Variants in ATP5PO observed in about 807,000 individuals in gnomAD.
ATP5PO encodes the protein ATP synthase peripheral stalk subunit OSCP, mitochondrial.
Under a neutral mutation model 26.2 loss-of-function variants are expected in ATP5PO, and 14 were observed. The ratio of observed to expected loss-of-function variants is 0.53; its 90% CI spans 0.35 to 0.83. The LOEUF is 0.83. Ranked by LOEUF, ATP5PO falls within the 40% of genes least tolerant of loss-of-function variation. The probability of loss-of-function intolerance (pLI) is 0.01; values close to 1 mark genes in which losing one functional copy is unlikely to be tolerated. For missense variants in ATP5PO, 241 were observed against 258.5 expected, an observed-to-expected ratio of 0.93 and a Z score of 0.46; for synonymous variants, 106 against 95.1, an observed-to-expected ratio of 1.12 and a Z score of -0.67.
chr21:33,912,896 TCA>T (rs1302652497), intron 2 of ATP5PO, among the ~76,000 whole-genome samples: 1 of 152,252 alleles, frequency 6.6e-6, no homozygotes, highest in Non-Finnish European at 1.5e-5. Flanking sequence ...CTATCGATGT[TCA>T]GTGTAACAGA....
intron 1 of ATP5PO, 171 bp from the exon 2 acceptor site, chr21:33,914,671 T>TA (rs906984717): frequency 3.5e-5 from 20 of 565,842 alleles, no homozygotes; most frequent in Middle Eastern, 8.7e-4. Context: ...GGGGTAAACT[T>TA]ACCCAATGAG....
chr21:33,907,155 T>C (rs1987183889), intron 5 of ATP5PO, 186 bp downstream of exon 5: 2 of 577,540 alleles, frequency 3.5e-6, no homozygotes, highest in Admixed American at 6.0e-5. Flanking sequence ...GAAGCACTAA[T>C]AAGATACACG....
rs1173591781 is a variant in ATP5PO at position 33,907,126 on chromosome 21, T to C, written c.441+215A>G. ...TACTTTACATTTAACCCAGGCCTTA[T>C]GAATAATCACTGGTTACAGAAGCAC... On this transcript the variant is annotated intron_variant, in intron 5 of 6. Coordinates refer to ENST00000290299, the MANE Select transcript of ATP5PO (RefSeq NM_001697.3). 3 of 543,114 alleles carry C rather than the reference T, an allele frequency of 5.5e-6. No individual in the cohort carries two copies. In the East Asian group the frequency reaches 9.2e-5, roughly 17 times the overall value. 33.6% of individuals were successfully genotyped at this position (543,114 alleles called of 1,614,324 possible).
At chr21:33,909,679 C>T (rs1987223676) in intron 3 of ATP5PO, among the ~76,000 whole-genome samples, 1 of 152,190 alleles carries the variant, frequency 6.6e-6, no homozygotes, top group African/African-American at 2.4e-5. Flanking sequence ...TCAGAATACA[C>T]TGTGCACTGC....
At chr21:33,906,919 A>C (rs900945404) in intron 5 of ATP5PO, 30 of 381,814 alleles carry the variant, frequency 7.9e-5, no homozygotes, top group South Asian at 5.4e-4. Context: ...TGAGCCCAGG[A>C]GGTTGAGGCT....
At chr21:33,915,624 CCA>C in intron 1 of ATP5PO, 102 bp downstream of exon 1, 1 of 1,482,550 alleles carries the variant, frequency 6.7e-7, no homozygotes, top group South Asian at 1.2e-5. Flanking sequence ...TTGAAGACTG[CCA>C]GACTTCCCCA....
intron 5 of ATP5PO, chr21:33,906,436 A>G: frequency 6.1e-6 from 2 of 328,780 alleles, no homozygotes; most frequent in South Asian, 4.7e-5. Flanking sequence ...CTGTGTTCAA[A>G]TTCTAGTCCC....
intron 4 of ATP5PO, 80 bp from the exon 5 acceptor site, chr21:33,907,533 A>G (rs999314150): frequency 8.8e-6 from 11 of 1,247,360 alleles, no homozygotes; most frequent in African/African-American, 6.0e-5. Flanking sequence ...AACCCAAAAA[A>G]CAAACTTAGA....
intron 5 of ATP5PO, 34 bp from the exon 6 acceptor site, chr21:33,904,055 A>C (rs1484467217): frequency 6.4e-7 from 1 of 1,559,668 alleles, no homozygotes; most frequent in African/African-American, 1.4e-5. Context: ...AATTTAGATA[A>C]AGCAAAACAG....
Position 33,915,797 on chromosome 21 carries a change from G to A in ATP5PO, c.-34C>T, listed in dbSNP as rs1277741629. On this transcript the variant is annotated 5_prime_UTR_variant, in exon 1 of 7. Coordinates refer to ENST00000290299, the MANE Select transcript of ATP5PO (RefSeq NM_001697.3). ...GGGCGGCTGTAGGTCAAACCCGAGT[G>A]GGAAGAGAGAAACGCGCAAGGGCGC... 5.1e-6 allele frequency: 8 copies of A among 1,555,270 alleles called. No individual in the cohort carries two copies. Among genetic ancestry groups the A allele is most frequent in the South Asian group, 1.2e-5 (1 of 84,394 alleles).
chr21:33,913,784 A>AT (rs1011347536), intron 2 of ATP5PO, among the ~76,000 whole-genome samples: 46 of 146,474 alleles, frequency 3.1e-4, no homozygotes, highest in South Asian at 1.3e-3. Context: ...GTACCTTGAT[A>AT]TTTTTTTTTT....
chr21:33,909,743 G>A (rs1602773016), intron 3 of ATP5PO, among the ~76,000 whole-genome samples: 1 of 152,160 alleles, frequency 6.6e-6, no homozygotes, highest in Admixed American at 6.5e-5. Context: ...AATACTGTAC[G>A]AACTTTCTTA....
At position 33,907,564 on chromosome 21, in the gene ATP5PO, T is replaced by C. The variant is rs1218517283; in HGVS notation, c.329-111A>G. On this transcript the variant is annotated intron_variant, in intron 4 of 6. Coordinates refer to ENST00000290299, the MANE Select transcript of ATP5PO (RefSeq NM_001697.3). ...TTAGATTTGTGGCCTTAAAACACCA[T>C]ATACAGGGGCGCATGCCTATAATCC... 1.1e-5 allele frequency: 9 copies of C among 836,296 alleles called. No individual in the cohort carries two copies. The East Asian group carries it at 1.9e-4, about 17-fold the overall frequency. 51.8% of individuals were successfully genotyped at this position (836,296 alleles called of 1,614,324 possible). A position where few individuals can be genotyped will look rare whatever the true frequency, so the allele number is the denominator to read the frequency against.
At chr21:33,909,419 C>T (rs759251894) in intron 3 of ATP5PO, among the ~76,000 whole-genome samples, 4 of 147,234 alleles carry the variant, frequency 2.7e-5, no homozygotes, top group Non-Finnish European at 6.1e-5. Flanking sequence ...AGCTGCACCA[C>T]CATGTCCCGC....
chr21:33,905,836 T>C (rs6517197), intron 5 of ATP5PO, among the ~76,000 whole-genome samples: 48,229 of 146,264 alleles, frequency 0.33, 7,820 homozygotes, highest in African/African-American at 0.4. Context: ...TGCTTGAACC[T>C]GGGAGGCGGA....
chr21:33,905,935 AAAAG>A (rs1183094521), intron 5 of ATP5PO, among the ~76,000 whole-genome samples: 1 of 150,784 alleles, frequency 6.6e-6, no homozygotes, highest in Non-Finnish European at 1.5e-5. Context: ...AAAAAAAAAA[AAAAG>A]AAAATCATGT....
At chr21:33,913,246 C>T (rs769483871) in intron 2 of ATP5PO, among the ~76,000 whole-genome samples, 2 of 152,104 alleles carry the variant, frequency 1.3e-5, no homozygotes, top group South Asian at 2.1e-4. Flanking sequence ...GTAATGAGGA[C>T]GGGACAGGAT....
chr21:33,914,746 G>C, intron 1 of ATP5PO: 1 of 476,040 alleles, frequency 2.1e-6, no homozygotes, highest in Non-Finnish European at 3.7e-6. Flanking sequence ...GGAATGGACC[G>C]AGGCTAGCAT....
intron 2 of ATP5PO, among the ~76,000 whole-genome samples, chr21:33,913,121 GT>G (rs1987270602): frequency 6.6e-6 from 1 of 152,148 alleles, no homozygotes; most frequent in Admixed American, 6.6e-5. Context: ...CAGGGCCTCA[GT>G]TTCCCCTTTT....
Sources: allele counts gnomAD v4.1 joint callset (sites outside exome capture counted in the v4.1 genomes callset), GRCh38; gene constraint gnomAD v4.1.1; transcripts MANE v1.5; gene names NCBI Gene and HGNC (gene_info 2026-07-23, HGNC 2026-07-21).